Variants in MCM9 observed in about 807,000 individuals in gnomAD.
The protein encoded by MCM9 is minichromosome maintenance 9 homologous recombination repair factor.
A neutral mutation model predicts 72.8 loss-of-function variants in MCM9; 55 were observed. The ratio of observed to expected loss-of-function variants is 0.76; its 90% CI spans 0.61 to 0.95. MCM9 has a LOEUF of 0.95. Ranked by LOEUF, MCM9 falls within the 40% of genes least tolerant of loss-of-function variation. MCM9 has a pLI of 0.00. For missense variants in MCM9, 1,279 were observed against 1,377.0 expected (o/e 0.93, Z 1.13); for synonymous variants, 480 against 503.4 (o/e 0.95, Z 0.62).
chr6:118,933,597 G>A (rs1410196615), intron 1 of MCM9, among the ~76,000 whole-genome samples: 1 of 152,002 alleles, frequency 6.6e-6, no homozygotes, highest in Non-Finnish European at 1.5e-5. Context: ...TACTTCATTT[G>A]TCCAACATTT....
At chr6:118,883,365 A>G (rs1778414979) in intron 8 of MCM9, among the ~76,000 whole-genome samples, 1 of 151,842 alleles carries the variant, frequency 6.6e-6, no homozygotes, top group Non-Finnish European at 1.5e-5. Flanking sequence ...TCAGAATAAT[A>G]TATATATATT....
chr6:118,857,624 ACC>A (rs1776642392), intron 8 of MCM9, among the ~76,000 whole-genome samples: 1 of 127,308 alleles, frequency 7.9e-6, no homozygotes, highest in African/African-American at 3.2e-5. Flanking sequence ...GTCCAGACTG[ACC>A]AAAAAAAAAA....
intron 3 of MCM9, among the ~76,000 whole-genome samples, chr6:118,924,422 T>G (rs979940480): frequency 6.6e-6 from 1 of 152,196 alleles, no homozygotes; most frequent in South Asian, 2.1e-4. Flanking sequence ...AAGGACTTAT[T>G]CTCACAAGAG....
At chr6:118,922,343 T>C (rs906832745) in intron 4 of MCM9, among the ~76,000 whole-genome samples, 9 of 152,228 alleles carry the variant, frequency 5.9e-5, no homozygotes. Flanking sequence ...AGTAAACGTA[T>C]GCTCCAACTA....
intron 6 of MCM9, among the ~76,000 whole-genome samples, chr6:118,917,251 G>A (rs1184724201): frequency 6.6e-6 from 1 of 152,188 alleles, no homozygotes; most frequent in Non-Finnish European, 1.5e-5. Context: ...ATAAAAGGAT[G>A]AGTTTTGCCT....
chr6:118,815,819 C>G lies in MCM9; in HGVS notation c.2437G>C (p.Asp813His). Residue 813 changes from aspartate to histidine, a missense_variant, in exon 14 of 14, where the codon GAC becomes CAC. Coordinates refer to ENST00000619706, the MANE Select transcript of MCM9 (RefSeq NM_017696.3). The stretch of plus-strand genomic sequence containing the variant: ...TTTTTCTTGTTACTTTCCACATTGT[C>G]TGCCCTCCATGGAACACCTGTCTCT... ...PGETGVPWRA[D>H]NVESNKKKRL... The G allele has an allele frequency of 6.5e-7, 1 of 1,539,202 alleles. No individual in the cohort carries two copies. Among genetic ancestry groups the G allele is most frequent in the Non-Finnish European group, 8.7e-7 (1 of 1,147,036 alleles).
intron 8 of MCM9, among the ~76,000 whole-genome samples, chr6:118,869,166 A>C (rs1209115176): frequency 1.3e-5 from 2 of 152,204 alleles, no homozygotes; most frequent in Non-Finnish European, 2.9e-5. Flanking sequence ...AAGGACAGAA[A>C]ACCAAACACC....
chr6:118,916,315 G>GA (rs978149048), intron 6 of MCM9, among the ~76,000 whole-genome samples: 2 of 141,710 alleles, frequency 1.4e-5, no homozygotes, highest in Non-Finnish European at 3.1e-5. Context: ...ATACAGATCA[G>GA]AAAAAAGAAA....
At chr6:118,836,773 T>C (rs1380829915) in intron 9 of MCM9, among the ~76,000 whole-genome samples, 1 of 152,204 alleles carries the variant, frequency 6.6e-6, no homozygotes, top group Non-Finnish European at 1.5e-5. Flanking sequence ...TCTATTTTAT[T>C]CATCTTTTCA....
intron 6 of MCM9, 130 bp downstream of exon 6, chr6:118,917,431 G>T: frequency 2.3e-6 from 2 of 876,508 alleles, no homozygotes; most frequent in Non-Finnish European, 1.8e-6. Context: ...TAGAGGTAAT[G>T]ACTAATCCTA....
At position 118,917,600 on chromosome 6, in the gene MCM9, C is replaced by A. The variant is rs368955125; in HGVS notation, c.865G>T (p.Glu289Ter). 6.2e-7 allele frequency: 1 copy of A among 1,614,166 alleles called. No individual in the cohort carries two copies. Among genetic ancestry groups the A allele is most frequent in the Admixed American group, 1.7e-5 (1 of 60,012 alleles). ...IMDEEVQKEF[E>*]DFWEYYKSDP... ...CTCTTATAGTATTCCCAAAAATCTT[C>A]GAATTCCTTTTGGACCTCCTCATCC... is the stretch of plus-strand genomic sequence containing the variant. Residue 289 changes from glutamate (E) to a stop codon, truncating the protein, a stop_gained, in exon 6 of 14, where the codon GAA becomes TAA. Transcript: ENST00000619706. LOFTEE classifies it high-confidence loss of function.
chr6:118,837,548 G>C (rs1260393882), intron 9 of MCM9, among the ~76,000 whole-genome samples: 1 of 152,136 alleles, frequency 6.6e-6, no homozygotes, highest in Non-Finnish European at 1.5e-5. Flanking sequence ...GAATCTGGGT[G>C]CTCCTGTATT....
At chr6:118,853,976 A>C (rs1087572) in intron 9 of MCM9, among the ~76,000 whole-genome samples, 11,612 of 152,190 alleles carry the variant, frequency 0.076, 689 homozygotes, top group East Asian at 0.19. Context: ...GATTTTGCTA[A>C]ATTTATCCTG....
At chr6:118,905,625 GTTTCT>G (rs1562432347) in intron 8 of MCM9, 2 of 1,566,872 alleles carry the variant, frequency 1.3e-6, no homozygotes, top group East Asian at 4.6e-5. Context: ...GTGTGTGTGT[GTTTCT>G]TTTCTTTTTA....
At chr6:118,868,383 C>T (rs186311548) in intron 8 of MCM9, among the ~76,000 whole-genome samples, 8 of 152,128 alleles carry the variant, frequency 5.3e-5, no homozygotes, top group Non-Finnish European at 2.9e-5. Context: ...GACTTAAATA[C>T]CAAAAGCAAT....
chr6:118,913,436 A>G lies in MCM9; in HGVS notation c.905-16T>C, dbSNP rs1310613221. Reference sequence around the variant, plus strand: ...ACATTCCTTCCTAGGAAAAGCAGAAAGATCAGAAATCAGCAATAATTTTCA... The same window carrying G: ...ACATTCCTTCCTAGGAAAAGCAGAAGGATCAGAAATCAGCAATAATTTTCA... On this transcript the variant is annotated splice_polypyrimidine_tract_variant and intron_variant, in intron 6 of 13. Coordinates refer to ENST00000619706, the MANE Select transcript of MCM9 (RefSeq NM_017696.3). 1.9e-5 allele frequency: 30 copies of G among 1,611,832 alleles called. No homozygotes were observed. Among genetic ancestry groups the G allele is most frequent in the Non-Finnish European group, 2.5e-5 (29 of 1,179,304 alleles).
At chr6:118,826,075 C>T in intron 13 of MCM9, 72 bp downstream of exon 13, 1 of 1,484,572 alleles carries the variant, frequency 6.7e-7, no homozygotes, top group East Asian at 2.5e-5. Context: ...ACTTAATGCA[C>T]ACTTGCTTTG....
intron 8 of MCM9, among the ~76,000 whole-genome samples, chr6:118,906,593 CCT>C (rs979441602): frequency 1.3e-5 from 2 of 152,148 alleles, no homozygotes; most frequent in African/African-American, 4.8e-5. Context: ...TCTCAAAACA[CCT>C]ATACGCTTTA....
chr6:118,856,910 ATGAAAGGAAAG>A (rs1776592081), intron 8 of MCM9, among the ~76,000 whole-genome samples: 2 of 152,212 alleles, frequency 1.3e-5, no homozygotes, highest in Non-Finnish European at 2.9e-5. Flanking sequence ...ATCTTAACCT[ATGAAAGGAAAG>A]AAATGCCTAC....
Sources: gnomAD v4.1 joint callset for allele counts (sites outside exome capture counted in the v4.1 genomes callset) on GRCh38, gnomAD v4.1.1 for gene constraint, MANE v1.5 for transcripts, NCBI Gene and HGNC (gene_info 2026-07-23, HGNC 2026-07-21) for gene names.